DNAH14: variants seen among roughly 807,000 people sequenced by gnomAD.
DNAH14 encodes the protein axonemal beta dynein heavy chain 14.
Under a neutral mutation model 520.9 loss-of-function variants are expected in DNAH14, and 478 were observed. That is an observed-to-expected ratio of 0.92 (90% CI 0.85 to 0.99). The LOEUF is 0.99. Among genes scored for constraint, DNAH14 ranks in the 50% least tolerant of loss-of-function variants. The pLI, the probability that DNAH14 is intolerant of heterozygous loss-of-function variation, is 0.00. For synonymous variants in DNAH14, 1,581 were observed against 1,757.2 expected, an observed-to-expected ratio of 0.90 and a Z score of 2.51; for missense variants, 4,831 against 5,234.5, an observed-to-expected ratio of 0.92 and a Z score of 2.38.
At chr1:225,078,775 T>C (rs2072615992) in intron 17 of DNAH14, among the ~76,000 whole-genome samples, 1 of 20,010 alleles carries the variant, frequency 5.0e-5, no homozygotes, top group African/African-American at 1.1e-4. Context: ...TCAATCTCTC[T>C]CTCTCTCTCT....
intron 17 of DNAH14, among the ~76,000 whole-genome samples, chr1:225,067,048 G>A (rs1389331027): frequency 2.6e-5 from 4 of 152,092 alleles, no homozygotes; most frequent in Non-Finnish European, 5.9e-5. Context: ...TGTCAAAGGA[G>A]TTTGTTATAT....
intron 8 of DNAH14, among the ~76,000 whole-genome samples, chr1:224,991,261 ATTTTTTTT>A (rs60395237): frequency 1.5e-5 from 2 of 134,934 alleles, no homozygotes; most frequent in Non-Finnish European, 3.2e-5. Context: ...TGCCCAGCTA[ATTTTTTTT>A]TTTTTTTTTG....
At chr1:225,275,613 C>A (rs757069345) in intron 52 of DNAH14, among the ~76,000 whole-genome samples, 5 of 152,144 alleles carry the variant, frequency 3.3e-5, no homozygotes, top group Non-Finnish European at 7.3e-5. Context: ...AGTTCTTAAC[C>A]TGGGATCCAC....
intron 83 of DNAH14, 86 bp from the exon 84 acceptor site, chr1:225,392,205 T>C: frequency 6.9e-7 from 1 of 1,451,138 alleles, no homozygotes; most frequent in Non-Finnish European, 9.3e-7. Context: ...CTTCCCTTTC[T>C]TCTCCATGAG....
chr1:225,363,884 G>A (rs760785849), intron 75 of DNAH14, among the ~76,000 whole-genome samples: 3 of 152,124 alleles, frequency 2.0e-5, no homozygotes, highest in Non-Finnish European at 2.9e-5. Context: ...GACATTGTAG[G>A]CCTAACTACC....
At chr1:225,281,581 C>T (rs1217079916) in intron 54 of DNAH14, among the ~76,000 whole-genome samples, 1 of 151,838 alleles carries the variant, frequency 6.6e-6, no homozygotes, top group Non-Finnish European at 1.5e-5. Context: ...CTGCCTACCA[C>T]AGACTATGTA....
intron 54 of DNAH14, among the ~76,000 whole-genome samples, chr1:225,285,253 A>T (rs1353745730): frequency 6.6e-6 from 1 of 152,204 alleles, no homozygotes; most frequent in African/African-American, 2.4e-5. Context: ...AAGCAACCCA[A>T]TTAAAAATAA....
chr1:224,949,925 T>C (rs16858661), intron 1 of DNAH14, among the ~76,000 whole-genome samples: 8,386 of 152,250 alleles, frequency 0.055, 474 homozygotes, highest in East Asian at 0.24. Flanking sequence ...TTATAATTTT[T>C]GTTCTTCTTA....
At chr1:225,016,781 C>T (rs796332743) in intron 10 of DNAH14, among the ~76,000 whole-genome samples, 30 of 151,086 alleles carry the variant, frequency 2.0e-4, no homozygotes, top group African/African-American at 7.0e-4. Context: ...TTCAAATGCC[C>T]GGTCTTCAGG....
At position 225,333,474 on chromosome 1, in the gene DNAH14, T is replaced by TC. The variant is rs1177160116; in HGVS notation, c.10049dup (p.Leu3351PhefsTer3). The TC allele has an allele frequency of 5.2e-6, 8 of 1,551,032 alleles. No homozygotes were observed. In the African/African-American group the frequency reaches 1.1e-4, roughly 21 times the overall value. On this transcript the variant is annotated frameshift_variant, in exon 66 of 86. Coordinates refer to ENST00000682510, the MANE Select transcript of DNAH14 (RefSeq NM_001367479.1). LOFTEE classifies it high-confidence loss of function. ...TGGCATTTCTTTGTCTTCCAAATTCTCTTTAATTAAAGTTATGGCACAAAA... is the reference window on the plus strand; with the variant it reads ...TGGCATTTCTTTGTCTTCCAAATTCTCCTTTAATTAAAGTTATGGCACAAAA...
chr1:225,388,381 A>G lies in DNAH14; in HGVS notation c.13080A>G (p.Lys4360=). The change falls in exon 82 of 86, where the codon AAA becomes AAG. Residue 4360 remains lysine, a splice_region_variant and synonymous_variant. Transcript: ENST00000682510. ...TGACTGTCTTTAAATCCCAACAGAA[A>G]CACGCCTACAGATCTTGTAAGCCAC... ...LNMRVPTLWQ[K]HAYRSCKPLS... 6.7e-7 allele frequency: 1 copy of G among 1,500,846 alleles called. No homozygotes were observed. The highest frequency in any genetic ancestry group is 1.4e-5 in the African/African-American group (1 of 72,448). The allele number at this position is 1,500,846 out of a possible 1,614,324, so 93.0% of individuals were successfully genotyped here.
At position 225,252,436 on chromosome 1, in the gene DNAH14, A is replaced by C; in HGVS notation, c.6865+19A>C. The C allele has an allele frequency of 7.6e-7, 1 of 1,316,526 alleles. No homozygotes were observed. Among genetic ancestry groups the C allele is most frequent in the Non-Finnish European group, 1.1e-6 (1 of 936,752 alleles). The allele number at this position is 1,316,526 out of a possible 1,614,324, so 81.6% of individuals were successfully genotyped here. On this transcript the variant is annotated intron_variant, in intron 44 of 85. Coordinates refer to ENST00000682510, the MANE Select transcript of DNAH14 (RefSeq NM_001367479.1). ...CAAAGAGGTAAGAATAATTATAAGAATCATACTTGTAACGTTAGAATATTG... is the reference window on the plus strand; with the variant it reads ...CAAAGAGGTAAGAATAATTATAAGACTCATACTTGTAACGTTAGAATATTG...
chr1:224,981,571 C>T (rs773903227), intron 8 of DNAH14, among the ~76,000 whole-genome samples: 13 of 152,076 alleles, frequency 8.5e-5, no homozygotes, highest in Non-Finnish European at 1.5e-4. Flanking sequence ...AGTTTCTATG[C>T]GTAAAGGTAT....
intron 12 of DNAH14, among the ~76,000 whole-genome samples, chr1:225,041,558 A>G (rs1572648800): frequency 6.6e-6 from 1 of 152,210 alleles, no homozygotes; most frequent in Non-Finnish European, 1.5e-5. Context: ...GCCTTACCAC[A>G]TGCTAGCAAT....
At position 225,159,379 on chromosome 1, in the gene DNAH14, C is replaced by T. The variant is rs2081332146; in HGVS notation, c.5339C>T (p.Ala1780Val). The T allele has an allele frequency of 6.4e-7, 1 of 1,551,426 alleles. No homozygotes were observed. The highest frequency in any genetic ancestry group is 8.7e-7 in the Non-Finnish European group (1 of 1,146,796). The stretch of plus-strand genomic sequence containing the variant: ...ATTGTTATCGAGGCTATAAGAGAAG[C>T]TAGTTTGCCAAAATGTCCTCCTGAA... The part of the protein sequence containing the change: ...TLIVIEAIRE[A>V]SLPKCPPEDV... The change falls in exon 35 of 86, where the codon GCT becomes GTT. Residue 1780 changes from alanine (A) to valine (V), a missense_variant. By Grantham distance (64) the Ala-to-Val change is moderately conservative (BLOSUM62 0). Coordinates refer to ENST00000682510, the MANE Select transcript of DNAH14 (RefSeq NM_001367479.1).
chr1:225,325,919 G>T (rs2094654999), intron 64 of DNAH14, among the ~76,000 whole-genome samples: 3 of 152,016 alleles, frequency 2.0e-5, no homozygotes, highest in Non-Finnish European at 4.4e-5. Context: ...TACCTGTTTG[G>T]CCCCATAGGC....
At chr1:225,391,502 T>C (rs945713740) in intron 83 of DNAH14, among the ~76,000 whole-genome samples, 6 of 152,142 alleles carry the variant, frequency 3.9e-5, no homozygotes, top group Admixed American at 3.9e-4. Flanking sequence ...AGGAGTCTGC[T>C]TTATTCTCCA....
intron 11 of DNAH14, among the ~76,000 whole-genome samples, chr1:225,025,168 T>A (rs2066006318): frequency 6.6e-6 from 1 of 151,760 alleles, no homozygotes; most frequent in African/African-American, 2.4e-5. Flanking sequence ...CGAGACCCTG[T>A]CTCCACAAAA....
chr1:225,305,594 G>A (rs1026757418), intron 58 of DNAH14, among the ~76,000 whole-genome samples: 1 of 152,124 alleles, frequency 6.6e-6, no homozygotes, highest in African/African-American at 2.4e-5. Flanking sequence ...CCAGGAAGAT[G>A]GGGAAATGAG....
Sources: gnomAD v4.1 joint callset for allele counts (sites outside exome capture counted in the v4.1 genomes callset) on GRCh38, gnomAD v4.1.1 for gene constraint, MANE v1.5 for transcripts, NCBI Gene and HGNC (gene_info 2026-07-23, HGNC 2026-07-21) for gene names.